The following NEMP2 variants were observed in gnomAD, a reference collection of about 807,000 sequenced individuals.
The protein encoded by NEMP2 is nuclear envelope integral membrane protein 2, also known as UPF0571 transmembrane protein.
A neutral mutation model predicts 54.2 loss-of-function variants in NEMP2; 53 were observed. The ratio of observed to expected loss-of-function variants is 0.98; its 90% CI spans 0.78 to 1.23. The LOEUF is 1.23. Ranked by LOEUF, NEMP2 falls within the 50% of genes most tolerant of loss-of-function variation. The pLI is 0.00. For missense variants in NEMP2, 455 were observed against 511.3 expected (o/e 0.89, Z 1.06); for synonymous variants, 197 against 190.3 (o/e 1.04, Z -0.29).
chr2:190,532,853 G>C (rs1408106528), intron 1 of NEMP2, among the ~76,000 whole-genome samples: 1 of 152,182 alleles, frequency 6.6e-6, no homozygotes, highest in Non-Finnish European at 1.5e-5. Flanking sequence ...GCGCTTCACA[G>C]TCCGTATTGG....
At chr2:190,580,565 C>T in the NEMP2 span, among the ~76,000 whole-genome samples, 6 of 152,232 alleles carry the variant, frequency 3.9e-5, no homozygotes, top group East Asian at 1.2e-3. This position sits in a 1 kb window ranked among gnomAD's most constrained non-coding sequence, Gnocchi z 5.3. Context: ...CAACAAATTG[C>T]CTTAATTTCC....
chr2:190,643,387 T>C, the NEMP2 span, among the ~76,000 whole-genome samples: 1 of 152,194 alleles, frequency 6.6e-6, no homozygotes, highest in South Asian at 2.1e-4. Flanking sequence ...CTTGTGTCAG[T>C]GTTTCTGAAA....
the NEMP2 span, among the ~76,000 whole-genome samples, chr2:190,646,545 T>A: frequency 6.6e-6 from 1 of 152,258 alleles, no homozygotes; most frequent in Non-Finnish European, 1.5e-5. Flanking sequence ...TAAAATTTTA[T>A]CTTTCCTTCA....
At position 190,510,611 on chromosome 2, in the gene NEMP2, G is replaced by T; in HGVS notation, c.954-74C>A. Reference sequence around the variant, plus strand: ...AGATTTACAAAAATAGGCCAGGCTCGGTGGCTCACGCCTGTAATCCAGCAT... The same window carrying T: ...AGATTTACAAAAATAGGCCAGGCTCTGTGGCTCACGCCTGTAATCCAGCAT... On this transcript the variant is annotated intron_variant, in intron 7 of 8. Coordinates refer to ENST00000409150, the MANE Select transcript of NEMP2 (RefSeq NM_001142645.2). This position sits in a 1 kb window ranked among gnomAD's most constrained non-coding sequence, Gnocchi z 5.7. 1 of 1,481,440 alleles carries T rather than the reference G, an allele frequency of 6.8e-7. No homozygotes were observed. The allele number at this position is 1,481,440 out of a possible 1,614,324, so 91.8% of individuals were successfully genotyped here.
the NEMP2 span, chr2:190,648,551 C>T: frequency 6.7e-6 from 1 of 148,884 alleles, no homozygotes; most frequent in Non-Finnish European, 1.5e-5. Context: ...AGTCAGCCTC[C>T]TAGAGGATGT....
upstream of NEMP2, chr2:190,535,908 A>G (rs560732167): frequency 2.6e-5 from 4 of 152,326 alleles, no homozygotes; most frequent in South Asian, 8.3e-4. Flanking sequence ...TTCTTGCAAG[A>G]CAGCTTTTGT....
the NEMP2 span, among the ~76,000 whole-genome samples, chr2:190,549,976 T>C: frequency 6.6e-6 from 1 of 152,238 alleles, no homozygotes; most frequent in Admixed American, 6.5e-5. Context: ...AGTATACATA[T>C]TGATATAACT....
At chr2:190,450,426 A>C in the NEMP2 span, among the ~76,000 whole-genome samples, 7 of 150,560 alleles carry the variant, frequency 4.6e-5, no homozygotes, top group African/African-American at 1.5e-4. Flanking sequence ...TGCTGAAAAC[A>C]TCTTTAAATA....
At chr2:190,586,885 G>A in the NEMP2 span, among the ~76,000 whole-genome samples, 1 of 152,086 alleles carries the variant, frequency 6.6e-6, no homozygotes, top group African/African-American at 2.4e-5. The surrounding 1 kb of genome is among the most constrained non-coding windows in gnomAD (Gnocchi z 4.5). Context: ...AAAAATATAT[G>A]CCTTGACTTC....
At chr2:190,552,532 G>T in the NEMP2 span, among the ~76,000 whole-genome samples, 2 of 152,066 alleles carry the variant, frequency 1.3e-5, no homozygotes, top group Non-Finnish European at 2.9e-5. Flanking sequence ...ACAAGCCTGG[G>T]TAACATACCA....
chr2:190,561,819 A>G, the NEMP2 span, among the ~76,000 whole-genome samples: 3 of 152,246 alleles, frequency 2.0e-5, no homozygotes, highest in Non-Finnish European at 4.4e-5. This position sits in a 1 kb window ranked among gnomAD's most constrained non-coding sequence, Gnocchi z 5.4. Context: ...TTCTCATAAC[A>G]TAATGAGCTC....
the NEMP2 span, among the ~76,000 whole-genome samples, chr2:190,483,612 A>G: frequency 1.3e-5 from 2 of 152,224 alleles, no homozygotes; most frequent in Non-Finnish European, 2.9e-5. Flanking sequence ...CGAGGCAGGC[A>G]GATCACGAGG....
the NEMP2 span, among the ~76,000 whole-genome samples, chr2:190,452,162 C>T: frequency 6.6e-6 from 1 of 151,644 alleles, no homozygotes; most frequent in African/African-American, 2.4e-5. Context: ...GTTTAAAAAT[C>T]TCCAATCGCT....
the NEMP2 span, among the ~76,000 whole-genome samples, chr2:190,611,158 CAAT>C: frequency 6.6e-6 from 1 of 152,146 alleles, no homozygotes; most frequent in Non-Finnish European, 1.5e-5. This position sits in a 1 kb window ranked among gnomAD's most constrained non-coding sequence, Gnocchi z 5.4. Context: ...CTGTGGCACA[CAAT>C]AATTTAACAC....
At chr2:190,617,631 A>G in the NEMP2 span, among the ~76,000 whole-genome samples, 1 of 152,170 alleles carries the variant, frequency 6.6e-6, no homozygotes, top group Non-Finnish European at 1.5e-5. This position sits in a 1 kb window ranked among gnomAD's most constrained non-coding sequence, Gnocchi z 5.0. Flanking sequence ...CTCCAACCCT[A>G]TTTATACTGT....
Position 190,509,725 on chromosome 2 carries a change from GTC to G in NEMP2, c.1131-415_1131-414del, listed in dbSNP as rs1690289626. On this transcript the variant is annotated intron_variant, in intron 8 of 8. Transcript: ENST00000409150. This position sits in a 1 kb window ranked among gnomAD's most constrained non-coding sequence, Gnocchi z 6.1. Reference sequence around the variant, plus strand: ...AATAAGGAAAAATTTTGGGACAGACGTCTTTCTTAGTGAACTTTAAAAATGAT... The same window carrying G: ...AATAAGGAAAAATTTTGGGACAGACGTTTCTTAGTGAACTTTAAAAATGAT... Among the ~76,000 whole-genome samples, 2 of 152,218 alleles carry G rather than the reference GTC, an allele frequency of 1.3e-5. No homozygotes were observed. Among genetic ancestry groups the G allele is most frequent in the South Asian group, 4.1e-4 (2 of 4,830 alleles).
the NEMP2 span, among the ~76,000 whole-genome samples, chr2:190,629,298 T>C: frequency 3.9e-4 from 59 of 152,266 alleles, no homozygotes; most frequent in Non-Finnish European, 4.7e-4. Context: ...AAATACGTAT[T>C]ATGAAAAAAC....
chr2:190,459,783 A>G, the NEMP2 span, among the ~76,000 whole-genome samples: 6 of 152,226 alleles, frequency 3.9e-5, no homozygotes, highest in African/African-American at 7.2e-5. This position sits in a 1 kb window ranked among gnomAD's most constrained non-coding sequence, Gnocchi z 5.3. Flanking sequence ...CAACAAAATG[A>G]TTTCCAGCTA....
At chr2:190,594,753 A>G in the NEMP2 span, among the ~76,000 whole-genome samples, 5 of 152,202 alleles carry the variant, frequency 3.3e-5, no homozygotes, top group Non-Finnish European at 7.3e-5. The surrounding 1 kb of genome is among the most constrained non-coding windows in gnomAD (Gnocchi z 5.6). Flanking sequence ...TATTGAACGA[A>G]TAGAGTTAGC....
Sources: allele counts gnomAD v4.1 joint callset (sites outside exome capture counted in the v4.1 genomes callset), GRCh38; gene constraint gnomAD v4.1.1; non-coding constraint Gnocchi (gnomAD v3.1); transcripts MANE v1.5; gene names NCBI Gene and HGNC (gene_info 2026-07-23, HGNC 2026-07-21).